The following WWOX variants were observed in gnomAD, a reference collection of about 807,000 sequenced individuals.
WWOX encodes WW domain-containing oxidoreductase.
WWOX carries 69 observed loss-of-function variants against 46.2 expected under a neutral mutation model. That is an observed-to-expected ratio of 1.49 (90% CI 1.23 to 1.82). The LOEUF (loss-of-function observed/expected upper bound fraction) is 1.82, where lower values mean the gene tolerates loss of function less well. Among genes scored for constraint, WWOX ranks in the 40% most tolerant of loss-of-function variants. The pLI is 0.00. For synonymous variants in WWOX, 359 were observed against 202.6 expected (o/e 1.77, Z -6.56); for missense variants, 919 against 542.6 (o/e 1.69, Z -6.89).
At chr16:78,305,189 C>G (rs1433755073) in intron 5 of WWOX, among the ~76,000 whole-genome samples, 1 of 152,134 alleles carries the variant, frequency 6.6e-6, no homozygotes. Context: ...TAGTGTGATT[C>G]AAATCACCAA....
chr16:78,262,097 C>CA (rs752161345), intron 5 of WWOX, among the ~76,000 whole-genome samples: 1,276 of 62,518 alleles, frequency 0.02, 35 homozygotes, highest in African/African-American at 0.052. Flanking sequence ...GAAACTCTGT[C>CA]AAAAAAAAAA....
intron 8 of WWOX, among the ~76,000 whole-genome samples, chr16:78,617,959 A>T (rs866559880): frequency 6.6e-6 from 1 of 152,138 alleles, no homozygotes; most frequent in African/African-American, 2.4e-5. Context: ...TTTAATCTTC[A>T]TTATATTATC....
chr16:78,970,930 T>C (rs566904182), intron 8 of WWOX, among the ~76,000 whole-genome samples: 1 of 152,244 alleles, frequency 6.6e-6, no homozygotes, highest in South Asian at 2.1e-4. Context: ...GTGGTCTCTG[T>C]TTTGCTTACT....
At chr16:78,177,147 T>G (rs941196842) in intron 5 of WWOX, among the ~76,000 whole-genome samples, 9 of 152,196 alleles carry the variant, frequency 5.9e-5, no homozygotes, top group Admixed American at 5.2e-4. Context: ...GCAGCTTGCT[T>G]TTTCTTTTAT....
At chr16:78,936,139 G>T (rs1043820995) in intron 8 of WWOX, among the ~76,000 whole-genome samples, 1 of 152,092 alleles carries the variant, frequency 6.6e-6, no homozygotes, top group African/African-American at 2.4e-5. Context: ...TCTGGGAACC[G>T]GAGAATGGTG....
chr16:78,795,333 C>T lies in WWOX; in HGVS notation c.1056+362581C>T, dbSNP rs143968637. Among the ~76,000 whole-genome samples, 31 of 152,216 alleles carry T rather than the reference C, an allele frequency of 2.0e-4. No individual in the cohort carries two copies. In the East Asian group the frequency reaches 5.8e-3, roughly 28 times the overall value. ...AGATTTTAAGTCCAGGCAGTCCAAC[C>T]CCCTGAAAGCTGACTCTTTAACACC... On this transcript the variant is annotated intron_variant, in intron 8 of 8. Transcript: ENST00000566780.
chr16:78,115,230 T>C (rs1388734764), intron 4 of WWOX, 76 bp downstream of exon 4: 2 of 1,559,516 alleles, frequency 1.3e-6, no homozygotes, highest in Non-Finnish European at 1.8e-6. Flanking sequence ...TAATGGAATT[T>C]TGTTTAGTGG....
intron 5 of WWOX, among the ~76,000 whole-genome samples, chr16:78,329,030 T>G (rs925569800): frequency 6.6e-6 from 1 of 151,946 alleles, no homozygotes; most frequent in Admixed American, 6.6e-5. Context: ...ACAGGCTGAT[T>G]TTCTTTTTTT....
chr16:78,612,499 A>T (rs1376442439), intron 8 of WWOX, among the ~76,000 whole-genome samples: 1 of 152,144 alleles, frequency 6.6e-6, no homozygotes, highest in African/African-American at 2.4e-5. Context: ...TGTTTTGTAG[A>T]CAGAGCTCAA....
chr16:78,195,859 C>A (rs72806816), intron 5 of WWOX, among the ~76,000 whole-genome samples: 14,543 of 141,542 alleles, frequency 0.1, 790 homozygotes, highest in Admixed American at 0.13. Context: ...AAAGATTGAA[C>A]ATGTGGAATA....
intron 8 of WWOX, among the ~76,000 whole-genome samples, chr16:78,670,858 GA>G (rs1224115246): frequency 6.6e-6 from 1 of 151,944 alleles, no homozygotes; most frequent in Non-Finnish European, 1.5e-5. Context: ...ATAGAGATGT[GA>G]ATGTGATCGT....
At chr16:78,785,512 T>C (rs192765618) in intron 8 of WWOX, among the ~76,000 whole-genome samples, 2 of 152,326 alleles carry the variant, frequency 1.3e-5, no homozygotes, top group East Asian at 3.9e-4. Context: ...ACACAGCTTA[T>C]TATTTATTAT....
chr16:79,164,431 A>C (rs2050551359), intron 8 of WWOX, among the ~76,000 whole-genome samples: 1 of 152,030 alleles, frequency 6.6e-6, no homozygotes, highest in South Asian at 2.1e-4. Context: ...CGCCTCTCTG[A>C]CTTTGAGGTC....
chr16:78,243,704 G>A (rs906051822), intron 5 of WWOX, among the ~76,000 whole-genome samples: 2 of 152,104 alleles, frequency 1.3e-5, no homozygotes, highest in African/African-American at 2.4e-5. Context: ...GCACCACCAT[G>A]CCCGGCTAAG....
intron 7 of WWOX, among the ~76,000 whole-genome samples, chr16:78,426,695 T>A (rs1489947308): frequency 6.6e-6 from 1 of 152,140 alleles, no homozygotes; most frequent in Non-Finnish European, 1.5e-5. Flanking sequence ...CATGGAGTCT[T>A]GATCTGTTAC....
chr16:78,953,575 C>T (rs1455475830), intron 8 of WWOX, among the ~76,000 whole-genome samples: 2 of 152,212 alleles, frequency 1.3e-5, no homozygotes, highest in African/African-American at 4.8e-5. Flanking sequence ...TCATTGACGG[C>T]AGAGAGTGTG....
intron 5 of WWOX, among the ~76,000 whole-genome samples, chr16:78,190,847 A>G (rs964948341): frequency 6.6e-6 from 1 of 152,156 alleles, no homozygotes; most frequent in African/African-American, 2.4e-5. Flanking sequence ...GCTGCTTTTC[A>G]TGTCATGGGT....
intron 5 of WWOX, among the ~76,000 whole-genome samples, chr16:78,175,224 C>T (rs1597309964): frequency 6.6e-6 from 1 of 151,908 alleles, no homozygotes; most frequent in African/African-American, 2.4e-5. Context: ...ACCCTGTGTT[C>T]CTAGGGGGGT....
At chr16:78,957,455 T>G (rs2046190294) in intron 8 of WWOX, among the ~76,000 whole-genome samples, 1 of 152,190 alleles carries the variant, frequency 6.6e-6, no homozygotes, top group Admixed American at 6.5e-5. Context: ...CAGTGGCTCA[T>G]TGTAGACATA....
Sources: gnomAD v4.1 joint callset for allele counts (sites outside exome capture counted in the v4.1 genomes callset) on GRCh38, gnomAD v4.1.1 for gene constraint, MANE v1.5 for transcripts, NCBI Gene and HGNC (gene_info 2026-07-23, HGNC 2026-07-21) for gene names.